The following KDM2B variants were observed in gnomAD, a reference collection of about 807,000 sequenced individuals.
KDM2B encodes the protein lysine-specific demethylase 2B.
Under a neutral mutation model 150.0 loss-of-function variants are expected in KDM2B, and 26 were observed. The ratio of observed to expected loss-of-function variants is 0.17; its 90% CI spans 0.13 to 0.24. The LOEUF is 0.24. KDM2B is among the 10% of genes least tolerant of loss of function. The pLI, the probability that KDM2B is intolerant of heterozygous loss-of-function variation, is 1.00. For missense variants in KDM2B, 1,265 were observed against 1,816.9 expected, an observed-to-expected ratio of 0.70 and a Z score of 5.52; for synonymous variants, 734 against 729.5, an observed-to-expected ratio of 1.01 and a Z score of -0.10.
chr12:121,562,221 G>A (rs879980166), intron 4 of KDM2B, among the ~76,000 whole-genome samples: 5 of 151,248 alleles, frequency 3.3e-5, no homozygotes, highest in Admixed American at 6.6e-5. Context: ...AGTAGTTCAC[G>A]CCTGTAATCC....
Position 121,509,730 on chromosome 12 carries a change from G to T in KDM2B, c.1484C>A (p.Thr495Asn). Residue 495 changes from threonine (T) to asparagine (N), a missense_variant, in exon 11 of 23, where the codon ACC (threonine) becomes AAC (asparagine). Thr to Asn is a moderately conservative substitution (Grantham distance 65, BLOSUM62 0). Coordinates refer to ENST00000377071, the MANE Select transcript of KDM2B (RefSeq NM_032590.5). ...AGAGACCTCCGTGGCGGGAGAGCCG[G>T]TGGGGGTCTTGGGGTAGTCTACGGC... ...TLAVDYPKTPTGSPATEVSAK... is the reference protein window; with the variant it reads ...TLAVDYPKTPNGSPATEVSAK... 1 of 1,614,158 alleles carries T rather than the reference G, an allele frequency of 6.2e-7. No homozygotes were observed. Among genetic ancestry groups the T allele is most frequent in the Non-Finnish European group, 8.5e-7 (1 of 1,180,036 alleles).
intron 13 of KDM2B, among the ~76,000 whole-genome samples, chr12:121,449,543 A>G (rs139914670): frequency 2.0e-5 from 3 of 152,258 alleles, no homozygotes; most frequent in Non-Finnish European, 2.9e-5. Flanking sequence ...AGCTGCAAAG[A>G]TAAGATGGCA....
In KDM2B at chr12:121,430,512, C is replaced by A; in HGVS notation, c.3830-43G>T. ...TAATGTGAGGTGTGAAGGCCAGGAG[C>A]CAGAAGCCCCCCCGCCGCCAGACCC... is the stretch of plus-strand genomic sequence containing the variant. On this transcript the variant is annotated intron_variant, in intron 22 of 22. Coordinates refer to ENST00000377071, the MANE Select transcript of KDM2B (RefSeq NM_032590.5). The surrounding 1 kb of genome is among the most constrained non-coding windows in gnomAD (Gnocchi z 4.4). 6.7e-7 allele frequency: 1 copy of A among 1,490,020 alleles called. No homozygotes were observed. Among genetic ancestry groups the A allele is most frequent in the Non-Finnish European group, 9.4e-7 (1 of 1,068,102 alleles). The allele number at this position is 1,490,020 out of a possible 1,614,324, so 92.3% of individuals were successfully genotyped here.
At position 121,442,506 on chromosome 12, in the gene KDM2B, T is replaced by G; in HGVS notation, c.2935A>C (p.Ser979Arg). Residue 979 changes from serine to arginine, a missense_variant, in exon 19 of 23, where the codon AGC becomes CGC. Physicochemically the swap from Ser to Arg is moderately radical, Grantham distance 110 (BLOSUM62 -1). This residue lies in a region of KDM2B where 418 missense variants were observed against 402.4 expected (regional missense o/e 1.04). Transcript: ENST00000377071. The surrounding 1 kb of genome is among the most constrained non-coding windows in gnomAD (Gnocchi z 7.7). ...GGCCGCTTGGGCTCCTCGCCCTCGC[T>G]CTCAGGCTCCGACTTGATGGGCTGC... ...NQQPIKSEPE[S>R]EGEEPKRPPG... The G allele has an allele frequency of 1.3e-6, 2 of 1,599,506 alleles. No homozygotes were observed. Among genetic ancestry groups the G allele is most frequent in the Non-Finnish European group, 1.7e-6 (2 of 1,179,812 alleles).
chr12:121,455,327 G>T (rs549945598), intron 12 of KDM2B, among the ~76,000 whole-genome samples: 2 of 152,188 alleles, frequency 1.3e-5, no homozygotes, highest in Non-Finnish European at 2.9e-5. Context: ...CCAGCAGAAG[G>T]CCTTGTCACA....
At chr12:121,571,009 AAG>A (rs1454696993) in intron 4 of KDM2B, among the ~76,000 whole-genome samples, 2 of 152,204 alleles carry the variant, frequency 1.3e-5, no homozygotes, top group Non-Finnish European at 2.9e-5. Flanking sequence ...TCAGCCAAGA[AAG>A]AGAGTGAAGT....
intron 12 of KDM2B, among the ~76,000 whole-genome samples, chr12:121,483,784 T>A (rs1052379871): frequency 6.6e-6 from 1 of 150,778 alleles, no homozygotes; most frequent in East Asian, 1.9e-4. Context: ...GGGAGAGAAG[T>A]GTGGAAGCGC....
chr12:121,547,369 AAGAGAGAG>A (rs201645439), intron 6 of KDM2B, among the ~76,000 whole-genome samples: 1 of 151,356 alleles, frequency 6.6e-6, no homozygotes, highest in Non-Finnish European at 1.5e-5. Context: ...TAATTAAAGA[AAGAGAGAG>A]AGAGAGAGCT....
At chr12:121,551,998 G>A (rs1425432525) in intron 4 of KDM2B, among the ~76,000 whole-genome samples, 1 of 152,190 alleles carries the variant, frequency 6.6e-6, no homozygotes, top group African/African-American at 2.4e-5. Context: ...ACAGCAACCT[G>A]GAAAAGCAAG....
At chr12:121,474,217 T>G (rs1881086905) in intron 12 of KDM2B, among the ~76,000 whole-genome samples, 1 of 152,078 alleles carries the variant, frequency 6.6e-6, no homozygotes, top group African/African-American at 2.4e-5. Flanking sequence ...ACTTTAAAAT[T>G]TTTAGGTTAG....
chr12:121,408,640 A>G, the KDM2B span, among the ~76,000 whole-genome samples: 1 of 152,172 alleles, frequency 6.6e-6, no homozygotes, highest in Non-Finnish European at 1.5e-5. Context: ...AAGATGAAAC[A>G]TACTAAAGGA....
chr12:121,509,021 G>A lies in KDM2B; in HGVS notation c.1647+546C>T, dbSNP rs183228008. Among the ~76,000 whole-genome samples, 59 of 152,222 alleles carry A rather than the reference G, an allele frequency of 3.9e-4. 1 individual carries two copies. The highest frequency in any genetic ancestry group is 1.7e-3 in the South Asian group (8 of 4,814). On this transcript the variant is annotated intron_variant, in intron 11 of 22. Coordinates refer to ENST00000377071, the MANE Select transcript of KDM2B (RefSeq NM_032590.5). ...CCAATAAGTGCTGAGAAGAAAACTC[G>A]TCAGCCACAGAGTGAGGTTCCAAAA...
Position 121,578,923 on chromosome 12 carries a change from G to A in KDM2B, c.150C>T (p.Tyr50=), listed in dbSNP as rs1891720006. 1 of 1,612,520 alleles carries A rather than the reference G, an allele frequency of 6.2e-7. No homozygotes were observed. Among genetic ancestry groups the A allele is most frequent in the Non-Finnish European group, 8.5e-7 (1 of 1,179,526 alleles). Residue 50 remains tyrosine (Y), a synonymous_variant, in exon 2 of 23, where the codon TAC becomes TAT. Coordinates refer to ENST00000377071, the MANE Select transcript of KDM2B (RefSeq NM_032590.5). The part of the protein sequence containing the change: ...ATQRPIDRQR[Y]DENEDLSDVE... The stretch of plus-strand genomic sequence containing the variant: ...CGTCCGACAAGTCCTCGTTCTCGTC[G>A]TATCGCTGGCGGTCAATCGGGCGCT...
rs1435554171 is a variant in KDM2B at position 121,500,887 on chromosome 12, G to A, written c.1648-6222C>T. Among the ~76,000 whole-genome samples, 6 of 152,298 alleles carry A rather than the reference G, an allele frequency of 3.9e-5. No homozygotes were observed. In the South Asian group the frequency reaches 6.2e-4, roughly 16 times the overall value. ...AGGCCGAGGCGGGCGGATCACTTGAGGCAAAGAGTTCGAGACCAGCCTGGT... is the reference window on the plus strand; with the variant it reads ...AGGCCGAGGCGGGCGGATCACTTGAAGCAAAGAGTTCGAGACCAGCCTGGT... On this transcript the variant is annotated intron_variant, in intron 11 of 22. Transcript: ENST00000377071.
chr12:121,525,585 T>C (rs1887060643), intron 8 of KDM2B, among the ~76,000 whole-genome samples: 1 of 152,108 alleles, frequency 6.6e-6, no homozygotes, highest in African/African-American at 2.4e-5. Context: ...AATGCTGCCT[T>C]CCACCTAGAA....
Position 121,549,651 on chromosome 12 carries a change from G to C in KDM2B, c.398-13C>G, listed in dbSNP as rs1295941314. On this transcript the variant is annotated splice_polypyrimidine_tract_variant and intron_variant, in intron 4 of 22. Coordinates refer to ENST00000377071, the MANE Select transcript of KDM2B (RefSeq NM_032590.5). This position sits in a 1 kb window ranked among gnomAD's most constrained non-coding sequence, Gnocchi z 4.4. Reference sequence around the variant, plus strand: ...AGCCGCCGGCTCCCTGGAGGCAGAAGCCACACACTGGTTGTTCCTGCCGGC... The same window carrying C: ...AGCCGCCGGCTCCCTGGAGGCAGAACCCACACACTGGTTGTTCCTGCCGGC... 6.4e-7 allele frequency: 1 copy of C among 1,557,924 alleles called. No individual in the cohort carries two copies.
At chr12:121,490,729 G>A (rs1244121916) in intron 12 of KDM2B, among the ~76,000 whole-genome samples, 1 of 152,182 alleles carries the variant, frequency 6.6e-6, no homozygotes, top group East Asian at 1.9e-4. Context: ...CAGCCAGTCG[G>A]GTGGATGGTG....
At chr12:121,487,698 C>T (rs1882912991) in intron 12 of KDM2B, among the ~76,000 whole-genome samples, 2 of 152,166 alleles carry the variant, frequency 1.3e-5, no homozygotes, top group South Asian at 2.1e-4. Context: ...CCTCAAACCC[C>T]CAGGGGCACA....
the KDM2B span, chr12:121,420,332 C>T: frequency 3.2e-6 from 5 of 1,560,632 alleles, no homozygotes; most frequent in African/African-American, 1.4e-5. Flanking sequence ...CGCAGAGGAT[C>T]GGGTGAGGCC....
Sources: gnomAD v4.1 joint callset for allele counts (sites outside exome capture counted in the v4.1 genomes callset) on GRCh38, gnomAD v4.1.1 for gene constraint, gnomAD v4.1.1 regional missense constraint, Gnocchi (gnomAD v3.1) non-coding constraint, MANE v1.5 for transcripts, NCBI Gene and HGNC (gene_info 2026-07-23, HGNC 2026-07-21) for gene names.